The following IRGM variants were observed in gnomAD, a reference collection of about 807,000 sequenced individuals.
IRGM encodes the protein immunity related GTPase M, also known as immunity-related GTPase family M protein.
For synonymous variants in IRGM, 98 were observed against 80.6 expected (o/e 1.22, Z -1.16); for missense variants, 288 against 219.9 (o/e 1.31, Z -1.96).
chr5:150,854,617 G>A (rs1042093577), intron 1 of IRGM, among the ~76,000 whole-genome samples: 8 of 152,000 alleles, frequency 5.3e-5, no homozygotes, highest in African/African-American at 1.9e-4. Context: ...TTTTCTTTTA[G>A]CACCTTAAAT....
At chr5:150,849,729 C>G (rs1409187912), downstream of IRGM, among the ~76,000 whole-genome samples, 2 of 151,492 alleles carry the variant, frequency 1.3e-5, no homozygotes, top group African/African-American at 4.9e-5. Context: ...GCCTCAGCCT[C>G]CCAAGTAGCT....
chr5:150,900,030 A>G (rs1561757938), intron 3 of IRGM, among the ~76,000 whole-genome samples: 1 of 152,034 alleles, frequency 6.6e-6, no homozygotes, highest in African/African-American at 2.4e-5. Flanking sequence ...CAAGCTGCCA[A>G]ACAGTTAGTT....
downstream of IRGM, among the ~76,000 whole-genome samples, chr5:150,852,987 A>G (rs938246895): frequency 6.6e-6 from 1 of 152,094 alleles, no homozygotes; most frequent in African/African-American, 2.4e-5. Context: ...TTTTTCTGCT[A>G]TCTTTGGGTT....
chr5:150,882,959 G>A (rs1260599047), intron 3 of IRGM, among the ~76,000 whole-genome samples: 3 of 151,956 alleles, frequency 2.0e-5, no homozygotes, highest in Admixed American at 1.3e-4. Context: ...AATATAGATC[G>A]TGTGTTCACA....
At chr5:150,896,130 A>G in intron 3 of IRGM, 1 of 1,613,354 alleles carries the variant, frequency 6.2e-7, no homozygotes, top group African/African-American at 1.3e-5. Context: ...TCTCTGATGT[A>G]TAATGAGGGG....
chr5:150,866,126 G>A (rs1754205129), intron 1 of IRGM, among the ~76,000 whole-genome samples: 1 of 152,110 alleles, frequency 6.6e-6, no homozygotes, highest in Non-Finnish European at 1.5e-5. Context: ...AGGTTCTATT[G>A]TTCCGTGATT....
At chr5:150,854,113 G>A (rs1306285346) in intron 1 of IRGM, among the ~76,000 whole-genome samples, 1 of 151,740 alleles carries the variant, frequency 6.6e-6, no homozygotes, top group Non-Finnish European at 1.5e-5. Context: ...GGTTACCATG[G>A]AGGTTACATG....
intron 1 of IRGM, among the ~76,000 whole-genome samples, chr5:150,876,522 T>C (rs1270849712): frequency 3.3e-5 from 5 of 152,178 alleles, no homozygotes. Context: ...ACAGTGTTGG[T>C]TGGGGTGATT....
intron 1 of IRGM, among the ~76,000 whole-genome samples, chr5:150,874,310 C>T (rs1474144928): frequency 6.6e-6 from 1 of 152,154 alleles, no homozygotes; most frequent in Non-Finnish European, 1.5e-5. Flanking sequence ...GCTGATTGGA[C>T]CCAGTGAGCA....
downstream of IRGM, among the ~76,000 whole-genome samples, chr5:150,853,608 A>T (rs57947188): frequency 6.6e-6 from 1 of 151,888 alleles, no homozygotes; most frequent in Non-Finnish European, 1.5e-5. Flanking sequence ...GTTTATAATT[A>T]TTATATCTTA....
At chr5:150,898,315 G>C in intron 3 of IRGM, 1 of 1,591,246 alleles carries the variant, frequency 6.3e-7, no homozygotes, top group Non-Finnish European at 8.6e-7. Flanking sequence ...ATTTGCAAAG[G>C]TATGAAGGTC....
intron 1 of IRGM, among the ~76,000 whole-genome samples, chr5:150,857,920 T>A (rs1451868351): frequency 6.6e-6 from 1 of 151,276 alleles, no homozygotes; most frequent in Non-Finnish European, 1.5e-5. Context: ...GCAGAAGCTC[T>A]TTAGTTTAAT....
chr5:150,874,508 G>A (rs13356375), intron 1 of IRGM, among the ~76,000 whole-genome samples: 3 of 152,164 alleles, frequency 2.0e-5, no homozygotes, highest in African/African-American at 7.2e-5. Context: ...CTACAACAAG[G>A]AAAGAGGCAT....
chr5:150,889,310 G>A (rs1460119814), intron 3 of IRGM, among the ~76,000 whole-genome samples: 1 of 152,066 alleles, frequency 6.6e-6, no homozygotes, highest in East Asian at 1.9e-4. Context: ...CATCTCACAT[G>A]GTGCCAGACA....
At chr5:150,863,328 AG>A (rs1226874650) in intron 1 of IRGM, among the ~76,000 whole-genome samples, 1 of 152,254 alleles carries the variant, frequency 6.6e-6, no homozygotes, top group Non-Finnish European at 1.5e-5. Flanking sequence ...ATCTAAAAGA[AG>A]GGAGCTCAAA....
intron 3 of IRGM, among the ~76,000 whole-genome samples, chr5:150,881,818 T>C (rs1754450179): frequency 6.6e-6 from 1 of 152,118 alleles, no homozygotes; most frequent in African/African-American, 2.4e-5. Flanking sequence ...GCATAATCGG[T>C]GTAAGATATT....
At chr5:150,857,681 G>A (rs1250558402) in intron 1 of IRGM, among the ~76,000 whole-genome samples, 13 of 152,210 alleles carry the variant, frequency 8.5e-5, no homozygotes, top group African/African-American at 3.1e-4. Context: ...GATGGCCAGT[G>A]ATGGTGAGCA....
intron 3 of IRGM, among the ~76,000 whole-genome samples, chr5:150,893,871 G>C (rs1020597615): frequency 1.3e-5 from 2 of 151,988 alleles, no homozygotes; most frequent in African/African-American, 4.8e-5. Context: ...GAATGGGTTT[G>C]CTCTTTTGGA....
intron 1 of IRGM, among the ~76,000 whole-genome samples, chr5:150,856,406 G>T (rs1309534798): frequency 1.3e-5 from 2 of 152,098 alleles, no homozygotes; most frequent in African/African-American, 4.8e-5. Flanking sequence ...ACTCCAGCCT[G>T]GGCAACAGAG....
Sources: allele counts gnomAD v4.1 joint callset (sites outside exome capture counted in the v4.1 genomes callset), GRCh38; gene constraint gnomAD v4.1.1; transcripts MANE v1.5; gene names NCBI Gene and HGNC (gene_info 2026-07-23, HGNC 2026-07-21).